Variants in BBS2 observed in about 807,000 individuals in gnomAD.
BBS2 encodes the protein BBSome complex member BBS2.
In BBS2, 62 loss-of-function variants were observed where a neutral mutation model predicts 83.0. The ratio of observed to expected loss-of-function variants is 0.75; its 90% CI spans 0.61 to 0.92. BBS2 has a LOEUF of 0.92. Ranked by LOEUF, BBS2 falls within the 40% of genes least tolerant of loss-of-function variation. The probability of loss-of-function intolerance (pLI) is 0.00; values close to 1 mark genes in which losing one functional copy is unlikely to be tolerated. For missense variants in BBS2, 784 were observed against 901.0 expected (o/e 0.87, Z 1.66); for synonymous variants, 303 against 326.1 (o/e 0.93, Z 0.76).
chr16:56,497,585 G>C (rs1309779767), intron 14 of BBS2, 158 bp downstream of exon 14: 1 of 912,500 alleles, frequency 1.1e-6, no homozygotes, highest in East Asian at 2.5e-5. Flanking sequence ...AAATCCTTAA[G>C]TAGTAAACTC....
In BBS2 at chr16:56,519,750, C is replaced by T. The variant is rs748872389; in HGVS notation, c.113G>A (p.Gly38Asp). 3.1e-6 allele frequency: 5 copies of T among 1,612,800 alleles called. No individual in the cohort carries two copies. The highest frequency in any genetic ancestry group is 4.2e-6 in the Non-Finnish European group (5 of 1,179,212). ...CCTGCGGGTGGGAGCGGTTACCTTG[C>T]CCGTTTGGGTGGCGGCCGCCAGGCA... ...HPCLAAATQT[G>D]KVFIHNPHTR... Residue 38 changes from glycine (G) to aspartate (D), a missense_variant, in exon 1 of 17, where the codon GGC becomes GAC. Gly to Asp is a moderately conservative substitution (Grantham distance 94, BLOSUM62 -1). Coordinates refer to ENST00000245157, the MANE Select transcript of BBS2 (RefSeq NM_031885.5).
Position 56,499,021 on chromosome 16 carries a change from A to C in BBS2, c.1528-453T>G, listed in dbSNP as rs542752535. The C allele has an allele frequency of 7.0e-4, 186 of 267,230 alleles. 1 individual carries two copies. The highest frequency in any genetic ancestry group is 2.0e-4 in the Non-Finnish European group (27 of 137,248). The allele number at this position is 267,230 out of a possible 1,614,324, so 16.6% of individuals were successfully genotyped here. ...TGAAGTATACATGGGCAAACACCACAGATATATCCACACAATAAGGAAAAT... is the reference window on the plus strand; with the variant it reads ...TGAAGTATACATGGGCAAACACCACCGATATATCCACACAATAAGGAAAAT... On this transcript the variant is annotated intron_variant, in intron 12 of 16. Transcript: ENST00000245157.
intron 5 of BBS2, among the ~76,000 whole-genome samples, chr16:56,508,368 A>G (rs924457148): frequency 6.6e-5 from 10 of 152,050 alleles, no homozygotes; most frequent in African/African-American, 2.4e-4. Flanking sequence ...ACATAACTAA[A>G]TTTTGCAAAA....
At chr16:56,484,178 TTG>T (rs2144091274), downstream of BBS2, among the ~76,000 whole-genome samples, 1 of 151,844 alleles carries the variant, frequency 6.6e-6, no homozygotes, top group African/African-American at 2.4e-5. Flanking sequence ...AGCTAATTTT[TTG>T]TGTTTTTAGT....
intron 15 of BBS2, among the ~76,000 whole-genome samples, chr16:56,494,714 G>A (rs1215095571): frequency 1.3e-5 from 2 of 152,162 alleles, no homozygotes; most frequent in Non-Finnish European, 2.9e-5. Context: ...TGTAATCCCA[G>A]CACTTTGGGA....
At chr16:56,501,564 A>T in intron 9 of BBS2, 67 bp from the exon 10 acceptor site, 2 of 1,596,270 alleles carry the variant, frequency 1.3e-6, no homozygotes, top group African/African-American at 1.3e-5. Flanking sequence ...ATTTTAAATA[A>T]TATTGCTATT....
intron 17 of BBS2, chr16:56,470,822 AC>A: frequency 1.3e-6 from 2 of 1,514,140 alleles, no homozygotes; most frequent in Non-Finnish European, 1.8e-6. Flanking sequence ...GTCCTTACTT[AC>A]CATTAACCAT....
intron 15 of BBS2, 65 bp from the exon 16 acceptor site, chr16:56,485,803 C>T: frequency 6.6e-7 from 1 of 1,521,306 alleles, no homozygotes; most frequent in Non-Finnish European, 9.1e-7. Flanking sequence ...GAAAAACTTG[C>T]AAATTTCTTA....
downstream of BBS2, among the ~76,000 whole-genome samples, chr16:56,484,174 T>C (rs1963710094): frequency 6.6e-6 from 1 of 151,880 alleles, no homozygotes; most frequent in South Asian, 2.1e-4. Flanking sequence ...GCCCAGCTAA[T>C]TTTTTGTGTT....
At chr16:56,495,203 T>C (rs1248564682) in intron 15 of BBS2, among the ~76,000 whole-genome samples, 1 of 152,084 alleles carries the variant, frequency 6.6e-6, no homozygotes, top group Non-Finnish European at 1.5e-5. Flanking sequence ...TTCATAGAAG[T>C]ATTTCAACTA....
In BBS2 at chr16:56,499,837, C is replaced by G. The variant is rs757041643; in HGVS notation, c.1468G>C (p.Asp490His). ...TAACTGATTGGCTCACTGGCAGGGT[C>G]CAGGCTGGTCAGCGCATACATGGAG... ...RFSMYALTSL[D>H]PASEPISYVN... Residue 490 changes from aspartate (D) to histidine (H), a missense_variant, in exon 12 of 17, where the codon GAC becomes CAC. Transcript: ENST00000245157. The G allele has an allele frequency of 6.2e-7, 1 of 1,614,176 alleles. No individual in the cohort carries two copies. The highest frequency in any genetic ancestry group is 2.2e-5 in the East Asian group (1 of 44,886).
intron 17 of BBS2, among the ~76,000 whole-genome samples, chr16:56,471,901 C>T (rs547357537): frequency 1.3e-5 from 2 of 152,326 alleles, no homozygotes; most frequent in South Asian, 4.1e-4. Context: ...GAACCAGAGT[C>T]AGTATCCATG....
chr16:56,475,782 TA>T (rs540225671), intron 17 of BBS2, among the ~76,000 whole-genome samples: 126 of 152,214 alleles, frequency 8.3e-4, no homozygotes, highest in African/African-American at 2.9e-3. Flanking sequence ...AATTCCAAAT[TA>T]AGAGCCATGT....
At position 56,499,046 on chromosome 16, in the gene BBS2, T is replaced by C. The variant is rs1046483686; in HGVS notation, c.1528-478A>G. 7 of 242,430 alleles carry C rather than the reference T, an allele frequency of 2.9e-5. No homozygotes were observed. In the East Asian group the frequency reaches 4.4e-4, roughly 15 times the overall value. The allele number at this position is 242,430 out of a possible 1,614,324, so 15.0% of individuals were successfully genotyped here. A position where few individuals can be genotyped will look rare whatever the true frequency, so the allele number is the denominator to read the frequency against. ...AGATATATCCACACAATAAGGAAAA[T>C]ATAAGTTTTAATGTTAATAGCAGTA... On this transcript the variant is annotated intron_variant, in intron 12 of 16. Transcript: ENST00000245157.
Position 56,498,563 on chromosome 16 carries a change from AACAACCTTGAAAATGAAC to A in BBS2, c.1528-13_1532del. On this transcript the variant is annotated splice_acceptor_variant and splice_polypyrimidine_tract_variant and coding_sequence_variant and intron_variant, in exon 13 of 17. Coordinates refer to ENST00000245157, the MANE Select transcript of BBS2 (RefSeq NM_031885.5). LOFTEE classifies it high-confidence loss of function. ...ACAGAAAGTTCTGACCGAGCCATAC[AACAACCTTGAAAATGAAC>A]ACAATGAAATGACCTCCATTTTTAA... 6.2e-7 allele frequency: 1 copy of A among 1,614,114 alleles called. No homozygotes were observed. The highest frequency in any genetic ancestry group is 8.5e-7 in the Non-Finnish European group (1 of 1,180,016).
chr16:56,476,333 T>C, intron 17 of BBS2: 1 of 788,056 alleles, frequency 1.3e-6, no homozygotes, highest in Non-Finnish European at 2.0e-6. Context: ...ACTGGTTGTC[T>C]TTTACTAGGA....
chr16:56,498,887 G>A, intron 12 of BBS2: 1 of 433,174 alleles, frequency 2.3e-6, no homozygotes, highest in Non-Finnish European at 4.1e-6. Flanking sequence ...ATGTACAAAT[G>A]ATTCAGGTAT....
intron 15 of BBS2, among the ~76,000 whole-genome samples, chr16:56,487,035 A>AT (rs1319511240): frequency 1.6e-4 from 24 of 152,128 alleles, no homozygotes; most frequent in African/African-American, 5.6e-4. Context: ...AAATGCTGGG[A>AT]TTACAAGTGT....
At chr16:56,508,006 A>T (rs1259309695) in intron 5 of BBS2, among the ~76,000 whole-genome samples, 1 of 152,100 alleles carries the variant, frequency 6.6e-6, no homozygotes, top group African/African-American at 2.4e-5. Flanking sequence ...TCCCTGTATA[A>T]ACACACATCC....
Sources: allele counts gnomAD v4.1 joint callset (sites outside exome capture counted in the v4.1 genomes callset), GRCh38; gene constraint gnomAD v4.1.1; transcripts MANE v1.5; gene names NCBI Gene and HGNC (gene_info 2026-07-23, HGNC 2026-07-21).